Variants in SHROOM3 observed in about 807,000 individuals in gnomAD.
SHROOM3 encodes protein Shroom3.
SHROOM3 carries 47 observed loss-of-function variants against 138.6 expected under a neutral mutation model. The ratio of observed to expected loss-of-function variants is 0.34; its 90% CI spans 0.27 to 0.43. The LOEUF is 0.43. SHROOM3 is among the 20% of genes least tolerant of loss of function. The pLI, the probability that SHROOM3 is intolerant of heterozygous loss-of-function variation, is 1.00. For missense variants in SHROOM3, 2,491 were observed against 2,596.5 expected (o/e 0.96, Z 0.88); for synonymous variants, 1,062 against 1,063.3 (o/e 1.00, Z 0.02).
Position 76,754,710 on chromosome 4 carries a change from G to T in SHROOM3, c.4227G>T (p.Glu1409Asp). 1 of 1,614,214 alleles carries T rather than the reference G, an allele frequency of 6.2e-7. No homozygotes were observed. Among genetic ancestry groups the T allele is most frequent in the Non-Finnish European group, 8.5e-7 (1 of 1,180,040 alleles). Residue 1409 changes from glutamate (E) to aspartate (D), a missense_variant, in exon 7 of 11, where the codon GAG becomes GAT. Physicochemically the swap from Glu to Asp is conservative, Grantham distance 45 (BLOSUM62 2). Around this residue, in one of 4 missense-constraint regions of SHROOM3, gnomAD observed 1,733 missense variants for 1,661.6 expected, o/e 1.04. Coordinates refer to ENST00000296043, the MANE Select transcript of SHROOM3 (RefSeq NM_020859.4). ...GAGGCTGTGAGGGCGATGGCCCAGA[G>T]CATGGGGTAGAAGAGGGAACGAGGA... is the stretch of plus-strand genomic sequence containing the variant. ...GPRGCEGDGP[E>D]HGVEEGTRKR...
chr4:76,761,406 T>G (rs1205094279), intron 9 of SHROOM3, among the ~76,000 whole-genome samples: 1 of 152,224 alleles, frequency 6.6e-6, no homozygotes, highest in Non-Finnish European at 1.5e-5. Context: ...GTGTGGGCTA[T>G]GTATTTGATT....
intron 3 of SHROOM3, among the ~76,000 whole-genome samples, chr4:76,725,879 G>A (rs972533578): frequency 3.3e-5 from 5 of 152,138 alleles, no homozygotes; most frequent in African/African-American, 4.8e-5. Flanking sequence ...GCCTCTGCAC[G>A]CTCTCTGCCT....
intron 2 of SHROOM3, among the ~76,000 whole-genome samples, chr4:76,691,464 C>G (rs1245221015): frequency 6.6e-6 from 1 of 152,048 alleles, no homozygotes; most frequent in Non-Finnish European, 1.5e-5. Context: ...GAGGTGGAGC[C>G]CTGTTTTGAT....
At chr4:76,459,496 C>CT (rs1229629363) in intron 1 of SHROOM3, among the ~76,000 whole-genome samples, 1 of 152,090 alleles carries the variant, frequency 6.6e-6, no homozygotes, top group African/African-American at 2.4e-5. Flanking sequence ...CGGCAGGGAG[C>CT]TTTTTATTCA....
chr4:76,652,929 A>G (rs1176555818), intron 2 of SHROOM3, among the ~76,000 whole-genome samples: 2 of 152,068 alleles, frequency 1.3e-5, no homozygotes, highest in Non-Finnish European at 2.9e-5. Flanking sequence ...TTGTTGAGGG[A>G]TGTAGACCTG....
rs1256153402 is a variant in SHROOM3, at chr4:76,741,545, C to T, written c.3372C>T (p.Gly1124=). ...ERAQSAYLQP[G]PAALEGSGLA... is the part of the protein sequence containing the mutation. ...CCCAGAGTGCCTACCTCCAGCCCGG[C>T]CCCGCGGCGCTCGAAGGCTCCGGCC... The change falls in exon 5 of 11, where the codon GGC becomes GGT. Residue 1124 remains glycine (G), a synonymous_variant. Transcript: ENST00000296043. This position sits in a 1 kb window ranked among gnomAD's most constrained non-coding sequence, Gnocchi z 6.2. The T allele has an allele frequency of 1.9e-6, 3 of 1,548,354 alleles. No homozygotes were observed. Among genetic ancestry groups the T allele is most frequent in the East Asian group, 4.8e-5 (2 of 41,612 alleles).
At chr4:76,457,119 T>A (rs1485976357) in intron 1 of SHROOM3, among the ~76,000 whole-genome samples, 2 of 152,194 alleles carry the variant, frequency 1.3e-5, no homozygotes, top group African/African-American at 2.4e-5. Context: ...TGGCTTGGCT[T>A]GGGCTCAGAG....
intron 2 of SHROOM3, among the ~76,000 whole-genome samples, chr4:76,575,899 A>T (rs1003006910): frequency 9.2e-5 from 14 of 152,204 alleles, no homozygotes; most frequent in African/African-American, 2.9e-4. Context: ...AATGTGCTCA[A>T]CATCATTGAT....
intron 1 of SHROOM3, among the ~76,000 whole-genome samples, chr4:76,464,182 G>A (rs866482559): frequency 6.6e-6 from 1 of 152,236 alleles, no homozygotes; most frequent in Admixed American, 6.5e-5. Flanking sequence ...CCACAGGGGT[G>A]GAGCCACCTA....
intron 1 of SHROOM3, among the ~76,000 whole-genome samples, chr4:76,443,816 C>A (rs979610399): frequency 7.9e-5 from 12 of 152,204 alleles, no homozygotes; most frequent in Admixed American, 7.8e-4. Context: ...AACACTCTGT[C>A]CTGGGCATCT....
At chr4:76,766,173 C>T (rs750211743) in intron 9 of SHROOM3, among the ~76,000 whole-genome samples, 1 of 152,174 alleles carries the variant, frequency 6.6e-6, no homozygotes, top group East Asian at 1.9e-4. Context: ...CCTCTCTCAC[C>T]GGGTTGTTGC....
chr4:76,495,470 A>T (rs2109996025), intron 1 of SHROOM3, among the ~76,000 whole-genome samples: 1 of 152,342 alleles, frequency 6.6e-6, no homozygotes, highest in South Asian at 2.1e-4. Context: ...CAGAGATCTG[A>T]TGCAATCAGG....
intron 5 of SHROOM3, among the ~76,000 whole-genome samples, chr4:76,746,977 C>A (rs185547120): frequency 1.3e-3 from 200 of 151,894 alleles, no homozygotes; most frequent in African/African-American, 4.7e-3. Flanking sequence ...CCACCAGGCC[C>A]CGGTAATTTT....
intron 1 of SHROOM3, among the ~76,000 whole-genome samples, chr4:76,531,379 C>T (rs1732825731): frequency 1.3e-5 from 2 of 152,172 alleles, no homozygotes; most frequent in South Asian, 4.1e-4. Context: ...TCTTTGTAGA[C>T]ACAGCCTTGG....
chr4:76,526,259 C>T (rs1228984692), intron 1 of SHROOM3, among the ~76,000 whole-genome samples: 4 of 152,036 alleles, frequency 2.6e-5, no homozygotes, highest in Admixed American at 1.3e-4. Flanking sequence ...CCCAGCTACT[C>T]GGGAGGCTGA....
chr4:76,644,163 A>G (rs1323103852), intron 2 of SHROOM3: 2 of 151,594 alleles, frequency 1.3e-5, no homozygotes, highest in East Asian at 3.9e-4. Context: ...TCTTTTATAT[A>G]TATAGGCTGC....
intron 2 of SHROOM3, among the ~76,000 whole-genome samples, chr4:76,620,176 G>T (rs1240815278): frequency 6.6e-6 from 1 of 151,964 alleles, no homozygotes; most frequent in Non-Finnish European, 1.5e-5. Context: ...GTGGAATTGT[G>T]AGGTTGTTAG....
chr4:76,585,909 G>A (rs1203203906), intron 2 of SHROOM3, among the ~76,000 whole-genome samples: 1 of 152,196 alleles, frequency 6.6e-6, no homozygotes, highest in Non-Finnish European at 1.5e-5. Context: ...CTGGGAGGAA[G>A]GGCAGATAAA....
chr4:76,681,031 A>G (rs1157982342), intron 2 of SHROOM3, among the ~76,000 whole-genome samples: 2 of 152,224 alleles, frequency 1.3e-5, no homozygotes, highest in Non-Finnish European at 2.9e-5. Context: ...TTGCCTACAA[A>G]ATAAAGTACA....
Sources: gnomAD v4.1 joint callset for allele counts (sites outside exome capture counted in the v4.1 genomes callset) on GRCh38, gnomAD v4.1.1 for gene constraint, gnomAD v4.1.1 regional missense constraint, Gnocchi (gnomAD v3.1) non-coding constraint, MANE v1.5 for transcripts, NCBI Gene and HGNC (gene_info 2026-07-23, HGNC 2026-07-21) for gene names.